INPP5A: variants seen among roughly 807,000 people sequenced by gnomAD.
The protein encoded by INPP5A is inositol polyphosphate-5-phosphatase A.
A neutral mutation model predicts 65.2 loss-of-function variants in INPP5A; 14 were observed. The observed-to-expected ratio is 0.21, with a 90% CI of 0.14 to 0.34. INPP5A has a LOEUF of 0.34. Among genes scored for constraint, INPP5A ranks in the 10% least tolerant of loss-of-function variants. The pLI is 1.00. For synonymous variants in INPP5A, 207 were observed against 208.3 expected, an observed-to-expected ratio of 0.99 and a Z score of 0.05; for missense variants, 431 against 545.6, an observed-to-expected ratio of 0.79 and a Z score of 2.09.
At chr10:132,645,999 C>A in intron 3 of INPP5A, 31 bp downstream of exon 3, 1 of 1,498,422 alleles carries the variant, frequency 6.7e-7, no homozygotes, top group Non-Finnish European at 9.3e-7. Context: ...TGGTGCATGT[C>A]CACTTCCCAG....
chr10:132,601,653 A>C (rs1250573137), intron 1 of INPP5A, among the ~76,000 whole-genome samples: 8 of 152,098 alleles, frequency 5.3e-5, no homozygotes, highest in Non-Finnish European at 1.2e-4. Flanking sequence ...TTTTGAGTTA[A>C]TTTTTGTCTG....
intron 4 of INPP5A, among the ~76,000 whole-genome samples, chr10:132,666,834 T>A (rs2072811280): frequency 6.6e-6 from 1 of 152,166 alleles, no homozygotes; most frequent in African/African-American, 2.4e-5. Flanking sequence ...ACCCACCTCA[T>A]CCGTAAGTGG....
intron 12 of INPP5A, among the ~76,000 whole-genome samples, chr10:132,766,096 G>A (rs758418432): frequency 2.0e-5 from 3 of 151,956 alleles, no homozygotes; most frequent in South Asian, 2.1e-4. Context: ...GAGTGTGTGT[G>A]CACGAGTGCA....
chr10:132,627,710 C>T lies in INPP5A; in HGVS notation c.118-18158C>T, dbSNP rs939770667. Among the ~76,000 whole-genome samples the T allele has an allele frequency of 1.3e-5, 2 of 152,128 alleles. No individual in the cohort carries two copies. Among genetic ancestry groups the T allele is most frequent in the African/African-American group, 4.8e-5 (2 of 41,412 alleles). On this transcript the variant is annotated intron_variant, in intron 2 of 15. Transcript: ENST00000368594. This position sits in a 1 kb window ranked among gnomAD's most constrained non-coding sequence, Gnocchi z 6.6. Reference sequence around the variant, plus strand: ...AGATGGCTGGGATTATAGTGAGAGGCGAGACAGGGGATGCAGACGGGTAGA... The same window carrying T: ...AGATGGCTGGGATTATAGTGAGAGGTGAGACAGGGGATGCAGACGGGTAGA...
intron 1 of INPP5A, among the ~76,000 whole-genome samples, chr10:132,581,657 A>G (rs1257122832): frequency 6.6e-6 from 1 of 152,110 alleles, no homozygotes; most frequent in Non-Finnish European, 1.5e-5. Context: ...GCATCTTTTC[A>G]GCTGCTTATT....
intron 1 of INPP5A, among the ~76,000 whole-genome samples, chr10:132,574,475 T>C (rs1434682303): frequency 2.0e-5 from 3 of 151,634 alleles, no homozygotes; most frequent in Non-Finnish European, 4.4e-5. Context: ...GTGTGTCCTG[T>C]GTGAGGTTTT....
At chr10:132,607,073 G>A (rs770682545) in intron 1 of INPP5A, among the ~76,000 whole-genome samples, 11 of 152,196 alleles carry the variant, frequency 7.2e-5, no homozygotes, top group African/African-American at 4.8e-5. Context: ...CCTCGTCCGC[G>A]GTGACCTCCC....
chr10:132,641,566 A>G lies in INPP5A; in HGVS notation c.118-4302A>G, dbSNP rs75344063. 7.6e-3 allele frequency among the ~76,000 whole-genome samples: 1,155 copies of G among 152,308 alleles called. 53 individuals carry two copies. The East Asian group carries it at 0.14, about 19-fold the overall frequency. On this transcript the variant is annotated intron_variant, in intron 2 of 15. Transcript: ENST00000368594. ...GGCGATTTTCTGAGCCCAGTCTTTCAGCAGAAGCTCCAGGGACTGGGTGTT... is the reference window on the plus strand; with the variant it reads ...GGCGATTTTCTGAGCCCAGTCTTTCGGCAGAAGCTCCAGGGACTGGGTGTT...
rs564525748 is a variant in INPP5A at position 132,702,066 on chromosome 10, A to G, written c.474+4147A>G. Among the ~76,000 whole-genome samples the G allele has an allele frequency of 1.1e-3, 169 of 152,382 alleles. 1 individual carries two copies. The highest frequency in any genetic ancestry group is 3.9e-3 in the African/African-American group (162 of 41,596). ...CCACGGGCCGTGGAAGTGTCAGGAC[A>G]CTGTGGGCTGTGGCTTCATTTGTTC... On this transcript the variant is annotated intron_variant, in intron 6 of 15. Transcript: ENST00000368594.
chr10:132,644,275 C>A lies in INPP5A; in HGVS notation c.118-1593C>A, dbSNP rs939504326. ...CGGTGCATCCACGCAGAGGCGGCTG[C>A]GAACTCAGGCACGGCCGCCCTTGTC... On this transcript the variant is annotated intron_variant, in intron 2 of 15. Coordinates refer to ENST00000368594, the MANE Select transcript of INPP5A (RefSeq NM_005539.5). The surrounding 1 kb of genome is among the most constrained non-coding windows in gnomAD (Gnocchi z 6.5). 1.3e-5 allele frequency among the ~76,000 whole-genome samples: 2 copies of A among 152,222 alleles called. No homozygotes were observed. Among genetic ancestry groups the A allele is most frequent in the Non-Finnish European group, 2.9e-5 (2 of 68,040 alleles).
At chr10:132,656,198 A>G (rs1391433327) in intron 4 of INPP5A, among the ~76,000 whole-genome samples, 6 of 152,086 alleles carry the variant, frequency 3.9e-5, no homozygotes, top group African/African-American at 1.2e-4. Flanking sequence ...CTCTCCATGC[A>G]GCTCCTTCAT....
intron 4 of INPP5A, among the ~76,000 whole-genome samples, chr10:132,687,290 C>T (rs1024337265): frequency 8.5e-5 from 13 of 152,232 alleles, no homozygotes; most frequent in African/African-American, 1.9e-4. Context: ...CTCAGTTCCC[C>T]GGGTTCTGAG....
At chr10:132,734,191 G>C (rs1171181830) in intron 9 of INPP5A, among the ~76,000 whole-genome samples, 2 of 152,172 alleles carry the variant, frequency 1.3e-5, no homozygotes, top group African/African-American at 4.8e-5. Flanking sequence ...CTATGCTCTC[G>C]TGTGACGCAG....
intron 11 of INPP5A, among the ~76,000 whole-genome samples, chr10:132,755,029 G>GTGTGTGTGATCGTATGCA (rs1004140242): frequency 6.6e-6 from 1 of 150,578 alleles, no homozygotes; most frequent in African/African-American, 2.5e-5. Context: ...GTGAGTATGC[G>GTGTGTGTGATCGTATGCA]TGTGTGTGAT....
At chr10:132,668,124 T>C (rs554126696) in intron 4 of INPP5A, among the ~76,000 whole-genome samples, 1 of 152,362 alleles carries the variant, frequency 6.6e-6, no homozygotes, top group Non-Finnish European at 1.5e-5. Flanking sequence ...TACTGGAGTC[T>C]GCCGGCCTTG....
intron 4 of INPP5A, among the ~76,000 whole-genome samples, chr10:132,668,228 G>T (rs1485232806): frequency 1.3e-5 from 2 of 152,170 alleles, no homozygotes; most frequent in South Asian, 4.1e-4. Context: ...CCAGGCTCAG[G>T]TGTCACTGAT....
intron 9 of INPP5A, among the ~76,000 whole-genome samples, chr10:132,747,524 C>T (rs188513794): frequency 1.3e-5 from 2 of 152,356 alleles, no homozygotes; most frequent in African/African-American, 2.4e-5. Flanking sequence ...GAGTTCCTCT[C>T]AGTTCCTGCT....
chr10:132,740,351 T>A (rs1158468029), intron 9 of INPP5A, among the ~76,000 whole-genome samples: 1 of 152,206 alleles, frequency 6.6e-6, no homozygotes, highest in Non-Finnish European at 1.5e-5. Flanking sequence ...TCAGGCACGT[T>A]CAGGGCAGGA....
chr10:132,583,338 G>A (rs1263833138), intron 1 of INPP5A, among the ~76,000 whole-genome samples: 2 of 152,164 alleles, frequency 1.3e-5, no homozygotes, highest in African/African-American at 4.8e-5. Flanking sequence ...TAAACAGTTG[G>A]CATTTGCAGA....
Sources: allele counts gnomAD v4.1 joint callset (sites outside exome capture counted in the v4.1 genomes callset), GRCh38; gene constraint gnomAD v4.1.1; non-coding constraint Gnocchi (gnomAD v3.1); transcripts MANE v1.5; gene names NCBI Gene and HGNC (gene_info 2026-07-23, HGNC 2026-07-21).